FBXO25: variants seen among roughly 807,000 people sequenced by gnomAD.
FBXO25 encodes the protein F-box only protein 25.
FBXO25 carries 45 observed loss-of-function variants against 51.9 expected under a neutral mutation model. That is an observed-to-expected ratio of 0.87 (90% CI 0.68 to 1.11). The LOEUF (loss-of-function observed/expected upper bound fraction) is 1.11, where lower values mean the gene tolerates loss of function less well. Ranked by LOEUF, FBXO25 falls within the 50% of genes most tolerant of loss-of-function variation. The pLI is 0.00. For synonymous variants in FBXO25, 199 were observed against 151.0 expected, an observed-to-expected ratio of 1.32 and a Z score of -2.33; for missense variants, 507 against 428.5, an observed-to-expected ratio of 1.18 and a Z score of -1.62.
Position 468,756 on chromosome 8 carries a change from C to T in FBXO25, c.1029C>T (p.Cys343=). 6.2e-7 allele frequency: 1 copy of T among 1,614,086 alleles called. No individual in the cohort carries two copies. The highest frequency in any genetic ancestry group is 8.5e-7 in the Non-Finnish European group (1 of 1,180,030). The part of the protein sequence containing the change: ...HPCTAADPDS[C]FTPVSPQHFI... ...GCACGGCGGCCGACCCTGACAGCTG[C>T]TTCACGCCTGTGTCTCCGCAGCACT... Residue 343 remains cysteine, a synonymous_variant, in exon 10 of 10, where the codon TGC becomes TGT. Coordinates refer to ENST00000350302, the MANE Select transcript of FBXO25 (RefSeq NM_183420.2).
At chr8:410,776 T>C (rs1796442463) in intron 1 of FBXO25, among the ~76,000 whole-genome samples, 1 of 152,220 alleles carries the variant, frequency 6.6e-6, no homozygotes, top group South Asian at 2.1e-4. Context: ...GAATAAAGTA[T>C]TTTCTAAAGC....
chr8:421,355 A>C (rs1006951748), intron 2 of FBXO25, among the ~76,000 whole-genome samples: 2 of 152,226 alleles, frequency 1.3e-5, no homozygotes, highest in Non-Finnish European at 2.9e-5. Context: ...TGCTGCCATA[A>C]CCGTTGTGAA....
chr8:451,488 T>C, intron 7 of FBXO25, 35 bp downstream of exon 7: 1 of 1,579,518 alleles, frequency 6.3e-7, no homozygotes, highest in Non-Finnish European at 8.6e-7. Flanking sequence ...TATTACACTC[T>C]GTTTTTATAT....
intron 2 of FBXO25, 152 bp downstream of exon 2, chr8:413,365 G>A (rs1476094514): frequency 1.2e-5 from 16 of 1,302,008 alleles, no homozygotes; most frequent in Non-Finnish European, 1.4e-5. Context: ...TAAAAAATGA[G>A]GCTAGTAGAT....
At position 427,617 on chromosome 8, in the gene FBXO25, A is replaced by T. The variant is rs1161960720; in HGVS notation, c.135-3724A>T. 2.7e-5 allele frequency among the ~76,000 whole-genome samples: 4 copies of T among 147,766 alleles called. 1 individual carries two copies. Among genetic ancestry groups the T allele is most frequent in the Non-Finnish European group, 4.5e-5 (3 of 66,906 alleles). On this transcript the variant is annotated intron_variant, in intron 2 of 9. Transcript: ENST00000350302. ...TTCTGGAGGCCAGAAATCCAAAATCAAGGGCTTGGCAGGGTTGCTTCCTAC... is the reference window on the plus strand; with the variant it reads ...TTCTGGAGGCCAGAAATCCAAAATCTAGGGCTTGGCAGGGTTGCTTCCTAC...
intron 5 of FBXO25, among the ~76,000 whole-genome samples, chr8:447,532 G>C (rs1277025075): frequency 1.3e-5 from 2 of 152,170 alleles, no homozygotes; most frequent in African/African-American, 4.8e-5. Flanking sequence ...GCAGGAATGC[G>C]ACAAAACAGA....
intron 9 of FBXO25, among the ~76,000 whole-genome samples, chr8:467,011 C>T (rs1800207023): frequency 6.6e-6 from 1 of 152,116 alleles, no homozygotes; most frequent in South Asian, 2.1e-4. Flanking sequence ...GAATAGAGGG[C>T]TGGCCATCTG....
At chr8:434,321 A>G (rs17064969) in intron 4 of FBXO25, among the ~76,000 whole-genome samples, 36,363 of 152,008 alleles carry the variant, frequency 0.24, 4,845 homozygotes, top group African/African-American at 0.37. Context: ...TTCCTGTTGT[A>G]AGATGGGTGG....
At chr8:451,112 C>T in intron 6 of FBXO25, 157 bp from the exon 7 acceptor site, 3 of 596,334 alleles carry the variant, frequency 5.0e-6, no homozygotes, top group Non-Finnish European at 5.6e-6. Flanking sequence ...TGAGAATTTC[C>T]CTCCTTTTTA....
In FBXO25 at chr8:452,675, C is replaced by T. The variant is rs201998831; in HGVS notation, c.660+1222C>T. The stretch of plus-strand genomic sequence containing the variant: ...GTTTGGGAAAGGCCAAACACCAGAC[C>T]AGGAAGCAGCCTTTCTTGTCTGGCT... On this transcript the variant is annotated intron_variant, in intron 7 of 9. Coordinates refer to ENST00000350302, the MANE Select transcript of FBXO25 (RefSeq NM_183420.2). 5.9e-5 allele frequency among the ~76,000 whole-genome samples: 9 copies of T among 152,318 alleles called. No homozygotes were observed. The East Asian group carries it at 1.7e-3, about 29-fold the overall frequency.
At chr8:456,934 C>T (rs561410213) in intron 7 of FBXO25, among the ~76,000 whole-genome samples, 45 of 152,312 alleles carry the variant, frequency 3.0e-4, no homozygotes, top group African/African-American at 9.4e-4. Flanking sequence ...TCTCCCTACG[C>T]TCCACTCTCC....
At chr8:449,679 A>G (rs1231037238) in intron 5 of FBXO25, among the ~76,000 whole-genome samples, 2 of 152,204 alleles carry the variant, frequency 1.3e-5, no homozygotes, top group Non-Finnish European at 2.9e-5. Flanking sequence ...GAGGCTGGAA[A>G]GCTAAAAGCT....
chr8:449,787 G>A (rs1393596899), intron 5 of FBXO25, among the ~76,000 whole-genome samples: 1 of 152,156 alleles, frequency 6.6e-6, no homozygotes, highest in East Asian at 1.9e-4. Context: ...TGTAGGCTGC[G>A]GCTGCCTCAG....
rs1029185865 is a variant in FBXO25, at chr8:477,378, A to G, written c.*8574A>G. On this transcript the variant is annotated 3_prime_UTR_variant, in exon 10 of 10. Coordinates refer to ENST00000350302, the MANE Select transcript of FBXO25 (RefSeq NM_183420.2). Reference sequence around the variant, plus strand: ...TACTGCAGTCTCCTACTCTTACTGTAGAACTATCCATTTCTTCCTTTGATT... The same window carrying G: ...TACTGCAGTCTCCTACTCTTACTGTGGAACTATCCATTTCTTCCTTTGATT... 1.3e-5 allele frequency: 2 copies of G among 152,252 alleles called. No homozygotes were observed. The highest frequency in any genetic ancestry group is 2.1e-4 in the South Asian group (1 of 4,830). 9.4% of individuals were successfully genotyped at this position (152,252 alleles called of 1,614,324 possible). A position where few individuals can be genotyped will look rare whatever the true frequency, so the allele number is the denominator to read the frequency against.
chr8:439,233 C>T (rs535268698), intron 5 of FBXO25, among the ~76,000 whole-genome samples: 1 of 152,332 alleles, frequency 6.6e-6, no homozygotes, highest in South Asian at 2.1e-4. Flanking sequence ...AGAAGAACAG[C>T]CTGCCCCCTC....
chr8:471,186 G>C lies in FBXO25; in HGVS notation c.*2382G>C, dbSNP rs967301873. 6.6e-6 allele frequency: 1 copy of C among 152,236 alleles called. No homozygotes were observed. The highest frequency in any genetic ancestry group is 1.5e-5 in the Non-Finnish European group (1 of 68,062). The allele number at this position is 152,236 out of a possible 1,614,324, so 9.4% of individuals were successfully genotyped here. A position where few individuals can be genotyped will look rare whatever the true frequency, so the allele number is the denominator to read the frequency against. ...GGACACAGCTAGCCGCATTGCCACT[G>C]CATGGGTCACAGCCTCCTGCAGGTG... On this transcript the variant is annotated 3_prime_UTR_variant, in exon 10 of 10. Coordinates refer to ENST00000350302, the MANE Select transcript of FBXO25 (RefSeq NM_183420.2).
At chr8:413,828 C>T (rs193169787) in intron 2 of FBXO25, among the ~76,000 whole-genome samples, 214 of 152,272 alleles carry the variant, frequency 1.4e-3, no homozygotes, top group African/African-American at 5.1e-3. Context: ...AGAGCACTAG[C>T]GCAAGGGATG....
intron 2 of FBXO25, among the ~76,000 whole-genome samples, chr8:428,867 C>A (rs1797651150): frequency 6.6e-6 from 1 of 152,186 alleles, no homozygotes; most frequent in Admixed American, 6.5e-5. Context: ...CATGTGTCAG[C>A]ATTTCCTTTT....
intron 5 of FBXO25, among the ~76,000 whole-genome samples, chr8:439,015 T>C (rs1428880744): frequency 1.3e-5 from 2 of 152,204 alleles, no homozygotes; most frequent in Non-Finnish European, 2.9e-5. Context: ...GGAGTAAGTG[T>C]GTCCCAACTG....
Sources: gnomAD v4.1 joint callset for allele counts (sites outside exome capture counted in the v4.1 genomes callset) on GRCh38, gnomAD v4.1.1 for gene constraint, MANE v1.5 for transcripts, NCBI Gene and HGNC (gene_info 2026-07-23, HGNC 2026-07-21) for gene names.